Variants in CFDP1 observed in about 807,000 individuals in gnomAD.
The protein encoded by CFDP1 is heterochromatin-stabilizing protein CFDP1.
In CFDP1, 31 loss-of-function variants were observed where a neutral mutation model predicts 40.1. That is an observed-to-expected ratio of 0.77 (90% CI 0.58 to 1.04). The LOEUF is 1.04. Ranked by LOEUF, CFDP1 falls within the 50% of genes least tolerant of loss-of-function variation. The pLI is 0.00. For missense variants in CFDP1, 423 were observed against 343.4 expected, an observed-to-expected ratio of 1.23 and a Z score of -1.83; for synonymous variants, 167 against 120.0, an observed-to-expected ratio of 1.39 and a Z score of -2.56.
chr16:75,348,045 C>T lies in CFDP1; in HGVS notation c.651-42863G>A, dbSNP rs542536949. 7.2e-4 allele frequency among the ~76,000 whole-genome samples: 109 copies of T among 152,212 alleles called. 3 individuals carry two copies. The highest frequency in any genetic ancestry group is 3.5e-4 in the Non-Finnish European group (24 of 68,038). On this transcript the variant is annotated intron_variant, in intron 5 of 6. Coordinates refer to ENST00000283882, the MANE Select transcript of CFDP1 (RefSeq NM_006324.3). ...GAAAATGGGTTTGGGTCCTGGAACA[C>T]AAACGGTTATTAGTGGGAAAACTGT...
At chr16:75,393,609 T>C (rs1246727625) in intron 5 of CFDP1, among the ~76,000 whole-genome samples, 15 of 150,874 alleles carry the variant, frequency 9.9e-5, no homozygotes, top group African/African-American at 3.7e-4. Flanking sequence ...CGGGCGCCTG[T>C]AGTCCCAGCT....
intron 5 of CFDP1, among the ~76,000 whole-genome samples, chr16:75,335,554 ATTTTTT>A (rs71380718): frequency 1.6e-5 from 2 of 121,384 alleles, no homozygotes; most frequent in South Asian, 2.6e-4. Context: ...ACAAATCTCC[ATTTTTT>A]TTTTTTTTTT....
intron 5 of CFDP1, among the ~76,000 whole-genome samples, chr16:75,393,237 G>A (rs928862106): frequency 6.6e-6 from 1 of 152,150 alleles, no homozygotes; most frequent in Non-Finnish European, 1.5e-5. Context: ...ACCACCAGCA[G>A]TCACCTGCTT....
intron 5 of CFDP1, among the ~76,000 whole-genome samples, chr16:75,376,038 C>T (rs1224386260): frequency 1.3e-5 from 2 of 152,036 alleles, no homozygotes; most frequent in Non-Finnish European, 2.9e-5. Context: ...TGGGGAGACC[C>T]CATCTCTACA....
intron 5 of CFDP1, chr16:75,391,420 G>A (rs533850680): frequency 3.3e-5 from 5 of 152,146 alleles, no homozygotes; most frequent in African/African-American, 4.8e-5. Context: ...AATTCCATAC[G>A]TTGTCTAGAG....
At chr16:75,373,844 T>A (rs915328535) in intron 5 of CFDP1, among the ~76,000 whole-genome samples, 19 of 152,102 alleles carry the variant, frequency 1.2e-4, no homozygotes, top group Non-Finnish European at 2.2e-4. Context: ...GAGAAAAAAA[T>A]TCTGGTAGGA....
At chr16:75,315,638 C>T (rs140475884) in intron 5 of CFDP1, among the ~76,000 whole-genome samples, 2,234 of 152,268 alleles carry the variant, frequency 0.015, 19 homozygotes, top group Non-Finnish European at 0.024. Context: ...TCTAAATACG[C>T]TTCACTTAGA....
chr16:75,365,577 C>G lies in CFDP1; in HGVS notation c.650+29513G>C, dbSNP rs182450394. On this transcript the variant is annotated intron_variant, in intron 5 of 6. Coordinates refer to ENST00000283882, the MANE Select transcript of CFDP1 (RefSeq NM_006324.3). Reference sequence around the variant, plus strand: ...CAACTCAATAAGATACACAGTCAGGCATAGTAGCCAGTGCTTGTAGCACTA... The same window carrying G: ...CAACTCAATAAGATACACAGTCAGGGATAGTAGCCAGTGCTTGTAGCACTA... Among the ~76,000 whole-genome samples the G allele has an allele frequency of 2.9e-3, 438 of 152,270 alleles. 6 individuals carry two copies. Among genetic ancestry groups the G allele is most frequent in the Admixed American group, 0.025 (375 of 15,290 alleles).
chr16:75,356,647 T>C (rs1043137310), intron 5 of CFDP1, among the ~76,000 whole-genome samples: 1 of 152,146 alleles, frequency 6.6e-6, no homozygotes, highest in Non-Finnish European at 1.5e-5. Context: ...TCACTCGAAA[T>C]TTTGAAGCCA....
At chr16:75,417,750 G>C (rs2079224153) in intron 1 of CFDP1, among the ~76,000 whole-genome samples, 1 of 151,380 alleles carries the variant, frequency 6.6e-6, no homozygotes, top group Non-Finnish European at 1.5e-5. Context: ...ATAAACAAAA[G>C]ATCTATTCCC....
Position 75,305,008 on chromosome 16 carries a change from A to G in CFDP1, c.809+16T>C. ...TTCTGAGGATTTTCCAAGGCATAAA[A>G]CCTACTCCTTCTTACCCCTCTTTCC... On this transcript the variant is annotated intron_variant, in intron 6 of 6. Transcript: ENST00000283882. 1 of 1,612,026 alleles carries G rather than the reference A, an allele frequency of 6.2e-7. No homozygotes were observed.
chr16:75,347,417 C>G (rs530686391), intron 5 of CFDP1, among the ~76,000 whole-genome samples: 2 of 150,610 alleles, frequency 1.3e-5, no homozygotes, highest in Non-Finnish European at 2.9e-5. Flanking sequence ...CAGTGGCTCA[C>G]GCCTGTAATC....
intron 5 of CFDP1, among the ~76,000 whole-genome samples, chr16:75,376,083 C>T (rs1386049824): frequency 6.6e-6 from 1 of 152,116 alleles, no homozygotes; most frequent in African/African-American, 2.4e-5. Flanking sequence ...TAGTGGTGTG[C>T]ACCTGTAGTC....
At chr16:75,411,674 G>C (rs1597394396) in intron 4 of CFDP1, 151 bp downstream of exon 4, 2 of 746,470 alleles carry the variant, frequency 2.7e-6, no homozygotes, top group Admixed American at 6.2e-5. Flanking sequence ...ATACTCCCTG[G>C]TAATTTATAG....
At chr16:75,387,105 A>C (rs755022325) in intron 5 of CFDP1, among the ~76,000 whole-genome samples, 7 of 152,046 alleles carry the variant, frequency 4.6e-5, no homozygotes, top group Non-Finnish European at 1.0e-4. Context: ...GAAGAACATG[A>C]AGGTGAAAGT....
intron 5 of CFDP1, among the ~76,000 whole-genome samples, chr16:75,367,506 C>A (rs1347675715): frequency 2.7e-5 from 4 of 150,670 alleles, no homozygotes; most frequent in African/African-American, 9.8e-5. Context: ...AAAGACTTAA[C>A]AGTCGGCTGG....
At chr16:75,336,392 T>G (rs528314766) in intron 5 of CFDP1, among the ~76,000 whole-genome samples, 1 of 152,152 alleles carries the variant, frequency 6.6e-6, no homozygotes, top group Non-Finnish European at 1.5e-5. Context: ...AGCTCAGTGA[T>G]GAGAGGTAGG....
chr16:75,345,600 A>AT (rs1362938205), intron 5 of CFDP1, among the ~76,000 whole-genome samples: 5 of 152,220 alleles, frequency 3.3e-5, no homozygotes, highest in Admixed American at 3.3e-4. Context: ...AACTATAATC[A>AT]TGTCACTGTT....
intron 5 of CFDP1, among the ~76,000 whole-genome samples, chr16:75,316,433 G>A (rs1250016370): frequency 6.6e-6 from 1 of 152,124 alleles, no homozygotes; most frequent in African/African-American, 2.4e-5. Context: ...CAGGCAGTGT[G>A]CTGGCTCACG....
Sources: gnomAD v4.1 joint callset for allele counts (sites outside exome capture counted in the v4.1 genomes callset) on GRCh38, gnomAD v4.1.1 for gene constraint, MANE v1.5 for transcripts, NCBI Gene and HGNC (gene_info 2026-07-23, HGNC 2026-07-21) for gene names.